Variants in SLC25A48 observed in about 807,000 individuals in gnomAD.
SLC25A48 encodes the protein solute carrier family 25 member 48, also known as CTC-321K16.1.
Under a neutral mutation model 32.2 loss-of-function variants are expected in SLC25A48, and 29 were observed. The ratio of observed to expected loss-of-function variants is 0.90; its 90% confidence interval spans 0.67 to 1.23. SLC25A48 has a LOEUF of 1.23. Ranked by LOEUF, SLC25A48 falls within the 50% of genes most tolerant of loss-of-function variation. The probability of loss-of-function intolerance (pLI) is 0.00; values close to 1 mark genes in which losing one functional copy is unlikely to be tolerated. For missense variants in SLC25A48, 399 were observed against 422.7 expected (o/e 0.94, Z 0.49); for synonymous variants, 164 against 172.3 (o/e 0.95, Z 0.38).
chr5:135,796,004 T>TCG (rs1757163114), intron 3 of SLC25A48, among the ~76,000 whole-genome samples: 1 of 36,808 alleles, frequency 2.7e-5, no homozygotes, highest in Non-Finnish European at 8.3e-5. Flanking sequence ...ACTCCCAGTA[T>TCG]CGCGAGGGGG....
intron 4 of SLC25A48, among the ~76,000 whole-genome samples, chr5:135,816,625 A>C (rs1015646188): frequency 6.6e-6 from 1 of 152,236 alleles, no homozygotes; most frequent in African/African-American, 2.4e-5. Context: ...GCACAGAGTA[A>C]CCACTCAAAT....
intron 1 of SLC25A48, among the ~76,000 whole-genome samples, chr5:135,583,606 C>G (rs1751284193): frequency 6.6e-6 from 1 of 151,754 alleles, no homozygotes; most frequent in African/African-American, 2.4e-5. Context: ...ATGGGGTTGA[C>G]TGCATACAAG....
chr5:135,612,380 T>C (rs181285676), intron 1 of SLC25A48, among the ~76,000 whole-genome samples: 1 of 152,344 alleles, frequency 6.6e-6, no homozygotes, highest in East Asian at 1.9e-4. Context: ...ATCATTTCTG[T>C]GTGTTGGGAA....
At chr5:135,668,027 T>C (rs1363111442) in intron 3 of SLC25A48, among the ~76,000 whole-genome samples, 1 of 152,204 alleles carries the variant, frequency 6.6e-6, no homozygotes, top group South Asian at 2.1e-4. Context: ...TCCTGGCCTC[T>C]CTGAAAGTTG....
chr5:135,632,786 A>C (rs1752606878), intron 2 of SLC25A48, among the ~76,000 whole-genome samples: 2 of 152,194 alleles, frequency 1.3e-5, no homozygotes. Flanking sequence ...ATGGTTTTGG[A>C]TTACAAAGCC....
At chr5:135,874,686 TG>T in intron 6 of SLC25A48, 2 of 702,482 alleles carry the variant, frequency 2.8e-6, no homozygotes, top group Non-Finnish European at 5.2e-6. Flanking sequence ...CACGTTTCCC[TG>T]GGCTGTGTCT....
chr5:135,785,557 G>GT (rs1299065139), intron 3 of SLC25A48, among the ~76,000 whole-genome samples: 1 of 151,328 alleles, frequency 6.6e-6, no homozygotes, highest in African/African-American at 2.4e-5. Flanking sequence ...AATATCCAGG[G>GT]GGGGAGAGGG....
chr5:135,643,663 C>T (rs530689230), intron 3 of SLC25A48, among the ~76,000 whole-genome samples: 11 of 152,304 alleles, frequency 7.2e-5, no homozygotes, highest in Admixed American at 2.6e-4. Flanking sequence ...ATGGGCATCT[C>T]GTCATGCCAG....
At position 135,797,171 on chromosome 5, in the gene SLC25A48, G is replaced by A. The variant is rs142084144; in HGVS notation, c.-520-15352G>A. Among the ~76,000 whole-genome samples the A allele has an allele frequency of 4.8e-4, 73 of 152,010 alleles. 1 individual carries two copies. Among genetic ancestry groups the A allele is most frequent in the African/African-American group, 1.6e-3 (68 of 41,484 alleles). On this transcript the variant is annotated intron_variant, in intron 3 of 10. Coordinates refer to the SLC25A48 transcript ENST00000646290. ...CTTCCTAATATCCAGGGGTGAAGAA[G>A]ATGATAATACTCCCAATATCGCAGT...
intron 1 of SLC25A48, among the ~76,000 whole-genome samples, chr5:135,602,883 G>A (rs1751833541): frequency 1.3e-5 from 2 of 152,138 alleles, no homozygotes; most frequent in Admixed American, 6.5e-5. Context: ...TGAGTAAAGA[G>A]GCATTTCACC....
intron 1 of SLC25A48, among the ~76,000 whole-genome samples, chr5:135,587,057 G>T (rs1203087829): frequency 1.3e-5 from 2 of 152,228 alleles, no homozygotes; most frequent in South Asian, 2.1e-4. Context: ...TTGAGACAGG[G>T]TCTTGTTCTG....
At chr5:135,591,220 C>T (rs1751519168) in intron 1 of SLC25A48, among the ~76,000 whole-genome samples, 1 of 152,270 alleles carries the variant, frequency 6.6e-6, no homozygotes, top group African/African-American at 2.4e-5. Context: ...CAGATATTCT[C>T]ATGCCACTCT....
At chr5:135,640,586 A>G (rs1410669748) in intron 3 of SLC25A48, among the ~76,000 whole-genome samples, 2 of 152,170 alleles carry the variant, frequency 1.3e-5, no homozygotes, top group Non-Finnish European at 1.5e-5. Context: ...AACATAAAAA[A>G]TCCTTAACAC....
chr5:135,756,382 C>T (rs1437423593), intron 3 of SLC25A48, among the ~76,000 whole-genome samples: 4 of 152,010 alleles, frequency 2.6e-5, no homozygotes, highest in Non-Finnish European at 4.4e-5. Context: ...TGATAACACA[C>T]TATAATATTA....
At chr5:135,834,653 G>GC, upstream of SLC25A48, 1 of 594,826 alleles carries the variant, frequency 1.7e-6, no homozygotes, top group Non-Finnish European at 2.9e-6. Flanking sequence ...GATGTCAGCC[G>GC]CCCTCCGGCA....
chr5:135,738,227 C>T (rs543914386), intron 3 of SLC25A48, among the ~76,000 whole-genome samples: 8 of 152,252 alleles, frequency 5.3e-5, no homozygotes, highest in African/African-American at 1.7e-4. Flanking sequence ...CACTCATTCC[C>T]GTGGCAGGCC....
At chr5:135,836,980 CCCACA>C (rs1381934379) in intron 1 of SLC25A48, among the ~76,000 whole-genome samples, 5 of 21,384 alleles carry the variant, frequency 2.3e-4, no homozygotes, top group African/African-American at 3.2e-4. Flanking sequence ...ACCCCCCCCC[CCCACA>C]CACACACACA....
intron 4 of SLC25A48, chr5:135,813,123 A>G (rs1757628743): frequency 6.6e-6 from 1 of 152,382 alleles, no homozygotes; most frequent in Non-Finnish European, 1.5e-5. Context: ...TCCTGGCTCA[A>G]TGCATCCACC....
At chr5:135,705,826 C>T (rs149899728) in intron 3 of SLC25A48, among the ~76,000 whole-genome samples, 5 of 152,148 alleles carry the variant, frequency 3.3e-5, no homozygotes, top group Non-Finnish European at 4.4e-5. Context: ...CCCAGGGTAT[C>T]GGGGATGTCC....
Sources: gnomAD v4.1 joint callset for allele counts (sites outside exome capture counted in the v4.1 genomes callset) on GRCh38, gnomAD v4.1.1 for gene constraint, MANE v1.5 for transcripts, NCBI Gene and HGNC (gene_info 2026-07-23, HGNC 2026-07-21) for gene names.